The following TMEM154 variants were observed in gnomAD, a reference collection of about 807,000 sequenced individuals.
TMEM154 encodes the protein transmembrane protein 154.
A neutral mutation model predicts 24.5 loss-of-function variants in TMEM154; 27 were observed. The ratio of observed to expected loss-of-function variants is 1.10; its 90% CI spans 0.81 to 1.52. The LOEUF is 1.52. TMEM154 is among the 40% of genes most tolerant of loss of function. The pLI, the probability that TMEM154 is intolerant of heterozygous loss-of-function variation, is 0.00. For synonymous variants in TMEM154, 67 were observed against 76.8 expected (o/e 0.87, Z 0.67); for missense variants, 228 against 213.4 (o/e 1.07, Z -0.43).
intron 6 of TMEM154, among the ~76,000 whole-genome samples, chr4:152,638,002 T>C (rs986157149): frequency 6.6e-6 from 1 of 152,232 alleles, no homozygotes; most frequent in Non-Finnish European, 1.5e-5. Context: ...GGCTCACTCC[T>C]GTCATCCCAA....
In TMEM154 at chr4:152,643,220, G is replaced by T. The variant is rs1232235158; in HGVS notation, c.393-47C>A. On this transcript the variant is annotated intron_variant, in intron 4 of 6. Transcript: ENST00000304385. Reference sequence around the variant, plus strand: ...CTTGTTAGAAAGAAATGTGAAAGATGCCTAATTTCATTTGGAAAGAGACTA... The same window carrying T: ...CTTGTTAGAAAGAAATGTGAAAGATTCCTAATTTCATTTGGAAAGAGACTA... 4 of 1,365,880 alleles carry T rather than the reference G, an allele frequency of 2.9e-6. No individual in the cohort carries two copies. In the African/African-American group the frequency reaches 4.4e-5, roughly 15 times the overall value. The allele number at this position is 1,365,880 out of a possible 1,614,324, so 84.6% of individuals were successfully genotyped here. A position where few individuals can be genotyped will look rare whatever the true frequency, so the allele number is the denominator to read the frequency against.
At chr4:152,643,554 C>G (rs1752298136) in intron 4 of TMEM154, among the ~76,000 whole-genome samples, 1 of 152,184 alleles carries the variant, frequency 6.6e-6, no homozygotes, top group Non-Finnish European at 1.5e-5. Context: ...CTTCCTGTTC[C>G]TTGGGGTTTT....
intron 1 of TMEM154, among the ~76,000 whole-genome samples, chr4:152,656,648 G>A (rs140858235): frequency 2.8e-4 from 42 of 152,248 alleles, no homozygotes; most frequent in East Asian, 2.5e-3. Flanking sequence ...GAGGCCGGGC[G>A]CAGTGGCTCA....
chr4:152,636,427 T>C (rs540461614), intron 6 of TMEM154, among the ~76,000 whole-genome samples: 1 of 152,248 alleles, frequency 6.6e-6, no homozygotes, highest in African/African-American at 2.4e-5. Flanking sequence ...TCCCCCATGA[T>C]TCCTTTGTTG....
chr4:152,656,215 C>A (rs984388002), intron 1 of TMEM154, among the ~76,000 whole-genome samples: 34 of 152,282 alleles, frequency 2.2e-4, no homozygotes, highest in African/African-American at 7.2e-4. Context: ...CTGCCAACAC[C>A]CACGTCAATC....
intron 1 of TMEM154, among the ~76,000 whole-genome samples, chr4:152,677,178 A>T (rs750821015): frequency 6.6e-6 from 1 of 151,966 alleles, no homozygotes; most frequent in Non-Finnish European, 1.5e-5. Flanking sequence ...CTGCTTTCTT[A>T]TTTCTCTCCT....
At chr4:152,640,876 T>A in intron 6 of TMEM154, 52 bp downstream of exon 6, 15 of 1,113,560 alleles carry the variant, frequency 1.3e-5, no homozygotes, top group African/African-American at 3.2e-5. Context: ...TGGTTCCCAA[T>A]CCCCCCGCCC....
chr4:152,628,598 AAAAC>A (rs1751966343), intron 6 of TMEM154, 37 bp from the exon 7 acceptor site: 283 of 1,167,654 alleles, frequency 2.4e-4, no homozygotes, highest in African/African-American at 4.1e-4. Flanking sequence ...AAAAACAAAA[AAAAC>A]ACACACACAC....
chr4:152,647,325 T>C (rs1333461157), intron 3 of TMEM154: 1 of 985,048 alleles, frequency 1.0e-6, no homozygotes, highest in Admixed American at 6.1e-5. Context: ...AGTTGTATTT[T>C]ACCTGAAAAA....
At chr4:152,659,726 C>A (rs562101751) in intron 1 of TMEM154, among the ~76,000 whole-genome samples, 2 of 152,222 alleles carry the variant, frequency 1.3e-5, no homozygotes, top group Non-Finnish European at 2.9e-5. Flanking sequence ...TTACAGTAGT[C>A]CCCCATTATC....
chr4:152,631,038 T>G (rs1752030271), intron 6 of TMEM154, among the ~76,000 whole-genome samples: 1 of 152,226 alleles, frequency 6.6e-6, no homozygotes, highest in African/African-American at 2.4e-5. Context: ...AAATTTTTAA[T>G]TTTTATTTAT....
intron 6 of TMEM154, among the ~76,000 whole-genome samples, chr4:152,633,452 T>C (rs1752089344): frequency 6.6e-6 from 1 of 152,264 alleles, no homozygotes; most frequent in Non-Finnish European, 1.5e-5. Context: ...TCTTTTTGGC[T>C]ATTTATTTTC....
At chr4:152,649,273 A>T (rs1175156811) in intron 3 of TMEM154, among the ~76,000 whole-genome samples, 2 of 152,248 alleles carry the variant, frequency 1.3e-5, no homozygotes, top group Non-Finnish European at 2.9e-5. Flanking sequence ...TTTTGGAAAG[A>T]CTATAAAGGC....
At chr4:152,667,818 C>A (rs1159062897) in intron 1 of TMEM154, among the ~76,000 whole-genome samples, 1 of 152,202 alleles carries the variant, frequency 6.6e-6, no homozygotes, top group Non-Finnish European at 1.5e-5. Flanking sequence ...AGAAAGGATT[C>A]TTTTTTCTGG....
intron 4 of TMEM154, 63 bp from the exon 5 acceptor site, chr4:152,643,236 A>G (rs1752290460): frequency 8.1e-7 from 1 of 1,238,226 alleles, no homozygotes; most frequent in South Asian, 1.3e-5. Flanking sequence ...TTTCATTTGG[A>G]AAGAGACTAG....
intron 1 of TMEM154, among the ~76,000 whole-genome samples, chr4:152,673,243 A>G (rs181344065): frequency 5.9e-5 from 9 of 152,062 alleles, no homozygotes; most frequent in Admixed American, 2.6e-4. Flanking sequence ...TATTCTATGC[A>G]TAGTAATCCT....
At chr4:152,664,378 G>T (rs577237261) in intron 1 of TMEM154, among the ~76,000 whole-genome samples, 13 of 110,704 alleles carry the variant, frequency 1.2e-4, no homozygotes, top group Non-Finnish European at 8.9e-5. Context: ...CTGTCGTGGC[G>T]GGGGGGTACA....
At position 152,661,290 on chromosome 4, in the gene TMEM154, C is replaced by CTT. The variant is rs1561054939; in HGVS notation, c.65-8364_65-8363insAA. 1.0e-4 allele frequency among the ~76,000 whole-genome samples: 5 copies of CTT among 49,084 alleles called. No individual in the cohort carries two copies. The East Asian group carries it at 1.8e-3, about 18-fold the overall frequency. 32.2% of individuals were successfully genotyped at this position (49,084 alleles called of 152,430 possible). On this transcript the variant is annotated intron_variant, in intron 1 of 6. Coordinates refer to ENST00000304385, the MANE Select transcript of TMEM154 (RefSeq NM_152680.3). Reference sequence around the variant, plus strand: ...AATCAAGGGATTGTTCTCTTTCTCTCTCTCTCTCTCTCTCTCTCTCTCTCT... The same window carrying CTT: ...AATCAAGGGATTGTTCTCTTTCTCTCTTTCTCTCTCTCTCTCTCTCTCTCTCT...
chr4:152,631,739 G>A (rs1334431205), intron 6 of TMEM154, among the ~76,000 whole-genome samples: 2 of 134,224 alleles, frequency 1.5e-5, no homozygotes, highest in Non-Finnish European at 3.2e-5. Flanking sequence ...CCAGCCTATT[G>A]TGTTTTTTGA....
Sources: allele counts gnomAD v4.1 joint callset (sites outside exome capture counted in the v4.1 genomes callset), GRCh38; gene constraint gnomAD v4.1.1; transcripts MANE v1.5; gene names NCBI Gene and HGNC (gene_info 2026-07-23, HGNC 2026-07-21).